CASZ1: variants seen among roughly 807,000 people sequenced by gnomAD.
The protein encoded by CASZ1 is castor zinc finger 1, also known as zinc finger protein castor homolog 1.
CASZ1 carries 28 observed loss-of-function variants against 135.2 expected under a neutral mutation model. The ratio of observed to expected loss-of-function variants is 0.21; its 90% confidence interval spans 0.15 to 0.28. The LOEUF (loss-of-function observed/expected upper bound fraction) is 0.28, where lower values mean the gene tolerates loss of function less well. Among genes scored for constraint, CASZ1 ranks in the 10% least tolerant of loss-of-function variants. The pLI is 1.00. For synonymous variants in CASZ1, 1,068 were observed against 1,073.4 expected, an observed-to-expected ratio of 0.99 and a Z score of 0.10; for missense variants, 2,161 against 2,453.3, an observed-to-expected ratio of 0.88 and a Z score of 2.52.
chr1:10,776,717 G>A lies in CASZ1; in HGVS notation c.-233-15860C>T, dbSNP rs1640667260. The stretch of plus-strand genomic sequence containing the variant: ...AGGGTTGGCTGCATGGCACAGCTGC[G>A]GACTCCAGACGGTGGCAAGAAGCTC... On this transcript the variant is annotated intron_variant, in intron 1 of 20. Coordinates refer to ENST00000377022, the MANE Select transcript of CASZ1 (RefSeq NM_001079843.3). The surrounding 1 kb of genome is among the most constrained non-coding windows in gnomAD (Gnocchi z 4.1). Among the ~76,000 whole-genome samples, 2 of 152,172 alleles carry A rather than the reference G, an allele frequency of 1.3e-5. No homozygotes were observed. The highest frequency in any genetic ancestry group is 2.1e-4 in the South Asian group (1 of 4,832).
rs755604040 is a variant in CASZ1 at position 10,655,754 on chromosome 1, G to A, written c.1560C>T (p.Asn520=). Reference sequence around the variant, plus strand: ...AACGCATGAAGCCGTGCTGCAGGGAGTTGTCGCGCTTCTTGTGCATGTTGT... The same window carrying A: ...AACGCATGAAGCCGTGCTGCAGGGAATTGTCGCGCTTCTTGTGCATGTTGT... ...RHYNMHKKRD[N]SLQHGFMRFS... is the part of the protein sequence containing the mutation. The change falls in exon 9 of 21, where the codon AAC becomes AAT. Residue 520 remains asparagine, a synonymous_variant. Transcript: ENST00000377022. The A allele has an allele frequency of 6.2e-7, 1 of 1,614,220 alleles. No homozygotes were observed. Among genetic ancestry groups the A allele is most frequent in the Non-Finnish European group, 8.5e-7 (1 of 1,180,002 alleles).
intron 1 of CASZ1, among the ~76,000 whole-genome samples, chr1:10,793,909 G>T (rs1481461695): frequency 6.6e-6 from 1 of 152,182 alleles, no homozygotes; most frequent in Non-Finnish European, 1.5e-5. Flanking sequence ...GAGTGGCGCG[G>T]GCGGCCGGAG....
In CASZ1 at chr1:10,757,648, C is replaced by A. The variant is rs993747736; in HGVS notation, c.-77+3053G>T. 1.3e-5 allele frequency among the ~76,000 whole-genome samples: 2 copies of A among 152,126 alleles called. No individual in the cohort carries two copies. Among genetic ancestry groups the A allele is most frequent in the African/African-American group, 4.8e-5 (2 of 41,434 alleles). ...ACTAAAAACACTAAAATTAGCCAGG[C>A]ATGGTGGCGCTTGCCTATAATCCCA... On this transcript the variant is annotated intron_variant, in intron 2 of 20. Transcript: ENST00000377022. This position sits in a 1 kb window ranked among gnomAD's most constrained non-coding sequence, Gnocchi z 4.6.
chr1:10,656,139 C>A (rs1002860513), intron 8 of CASZ1, among the ~76,000 whole-genome samples: 1 of 152,246 alleles, frequency 6.6e-6, no homozygotes, highest in Admixed American at 6.5e-5. Flanking sequence ...GCCCAGTGCA[C>A]CTCTGGACTA....
At position 10,755,965 on chromosome 1, in the gene CASZ1, C is replaced by T. The variant is rs531526629; in HGVS notation, c.-77+4736G>A. Among the ~76,000 whole-genome samples, 4 of 152,032 alleles carry T rather than the reference C, an allele frequency of 2.6e-5. No individual in the cohort carries two copies. Among genetic ancestry groups the T allele is most frequent in the East Asian group, 1.9e-4 (1 of 5,144 alleles). On this transcript the variant is annotated intron_variant, in intron 2 of 20. Coordinates refer to ENST00000377022, the MANE Select transcript of CASZ1 (RefSeq NM_001079843.3). The surrounding 1 kb of genome is among the most constrained non-coding windows in gnomAD (Gnocchi z 4.3). ...CCAGTCCAGTTAGGAGTGAAGGTCA[C>T]GGATCTAGTGCAGACCATAGAGGCG...
intron 1 of CASZ1, among the ~76,000 whole-genome samples, chr1:10,791,393 T>C (rs1640953141): frequency 6.6e-6 from 1 of 152,236 alleles, no homozygotes; most frequent in Non-Finnish European, 1.5e-5. Context: ...ACCAACTCAT[T>C]AATTCTTTCC....
intron 2 of CASZ1, among the ~76,000 whole-genome samples, chr1:10,744,908 T>C (rs1303452259): frequency 2.6e-5 from 4 of 152,288 alleles, no homozygotes; most frequent in South Asian, 2.1e-4. Context: ...ATGTCTGCCA[T>C]GTGCTCCGTC....
At position 10,665,356 on chromosome 1, in the gene CASZ1, G is replaced by A. The variant is rs183516103; in HGVS notation, c.232C>T (p.Arg78Cys). The A allele has an allele frequency of 2.2e-3, 3,471 of 1,610,516 alleles. 80 individuals are homozygous for A. The African/African-American group carries it at 0.041, about 19-fold the overall frequency. Reference sequence around the variant, plus strand: ...GCCCGTCTCTTGTCTTCCTCGCTGCGGGGGGCCCGGGCTGCCCCAGACTCA... The same window carrying A: ...GCCCGTCTCTTGTCTTCCTCGCTGCAGGGGGCCCGGGCTGCCCCAGACTCA... ...GPESGAARAP[R>C]SEEDKRRAVI... Residue 78 changes from arginine (R) to cysteine (C), a missense_variant, in exon 5 of 21, where the codon CGC becomes TGC. Coordinates refer to ENST00000377022, the MANE Select transcript of CASZ1 (RefSeq NM_001079843.3).
At chr1:10,745,398 G>A (rs1026254138) in intron 2 of CASZ1, among the ~76,000 whole-genome samples, 2 of 57,142 alleles carry the variant, frequency 3.5e-5, no homozygotes, top group Non-Finnish European at 6.1e-5. Flanking sequence ...CCAGGGACAC[G>A]AACACAGACA....
Position 10,638,131 on chromosome 1 carries a change from GAAT to G in CASZ1, c.*808_*810del, listed in dbSNP as rs371126309. 5.2e-5 allele frequency: 8 copies of G among 152,508 alleles called. No homozygotes were observed. Among genetic ancestry groups the G allele is most frequent in the South Asian group, 4.1e-4 (2 of 4,828 alleles). 9.4% of individuals were successfully genotyped at this position (152,508 alleles called of 1,614,324 possible). A position where few individuals can be genotyped will look rare whatever the true frequency, so the allele number is the denominator to read the frequency against. On this transcript the variant is annotated 3_prime_UTR_variant, in exon 21 of 21. Coordinates refer to ENST00000377022, the MANE Select transcript of CASZ1 (RefSeq NM_001079843.3). The surrounding 1 kb of genome is among the most constrained non-coding windows in gnomAD (Gnocchi z 5.9). ...GCTTTCTTCCTTTTTGTTCTATGTA[GAAT>G]AATAACCTTTACAGGAAAAATACTG...
chr1:10,779,450 G>A (rs1640723115), intron 1 of CASZ1, among the ~76,000 whole-genome samples: 2 of 152,084 alleles, frequency 1.3e-5, no homozygotes, highest in South Asian at 4.1e-4. Flanking sequence ...CCCTGCGGGG[G>A]CCGTGGGTGC....
chr1:10,786,872 A>G (rs1469189829), intron 1 of CASZ1, among the ~76,000 whole-genome samples: 1 of 152,098 alleles, frequency 6.6e-6, no homozygotes, highest in Non-Finnish European at 1.5e-5. Context: ...CAATGATAAC[A>G]GAACCAACCT....
chr1:10,647,977 C>T lies in CASZ1; in HGVS notation c.3321G>A (p.Pro1107=), dbSNP rs567007026. 16 of 1,607,338 alleles carry T rather than the reference C, an allele frequency of 1.0e-5. No homozygotes were observed. Among genetic ancestry groups the T allele is most frequent in the Middle Eastern group, 1.7e-4 (1 of 6,004 alleles). The change falls in exon 16 of 21, where the codon CCG becomes CCA. Residue 1107 remains proline (P), a synonymous_variant. Transcript: ENST00000377022. The surrounding 1 kb of genome is among the most constrained non-coding windows in gnomAD (Gnocchi z 4.9). The part of the protein sequence containing the change: ...VSSLEGPAPS[P]ASVPSTPTLL... ...GGGTGGGGGTGGAGGGCACGGAGGC[C>T]GGGCTGGGAGCGGGCCCCTCCAGAG...
chr1:10,649,227 G>A, intron 14 of CASZ1, 35 bp from the exon 15 acceptor site: 2 of 1,610,008 alleles, frequency 1.2e-6, no homozygotes, highest in Non-Finnish European at 1.7e-6. Context: ...GGAGAGCCTG[G>A]GGCTCCAGGG....
rs917976673 is a variant in CASZ1, at chr1:10,776,647, G to A, written c.-233-15790C>T. ...ACCAGCTAGGGGCGGGAGCTCCTGG[G>A]AGTCCTGGGGAAACTGGCATCTCTG... On this transcript the variant is annotated intron_variant, in intron 1 of 20. Coordinates refer to ENST00000377022, the MANE Select transcript of CASZ1 (RefSeq NM_001079843.3). The surrounding 1 kb of genome is among the most constrained non-coding windows in gnomAD (Gnocchi z 4.1). 6.6e-6 allele frequency among the ~76,000 whole-genome samples: 1 copy of A among 152,208 alleles called. No individual in the cohort carries two copies. The highest frequency in any genetic ancestry group is 1.5e-5 in the Non-Finnish European group (1 of 68,038).
chr1:10,726,721 G>T lies in CASZ1; in HGVS notation c.-76-21177C>A, dbSNP rs1639604597. Among the ~76,000 whole-genome samples, 1 of 152,232 alleles carries T rather than the reference G, an allele frequency of 6.6e-6. No individual in the cohort carries two copies. Among genetic ancestry groups the T allele is most frequent in the Non-Finnish European group, 1.5e-5 (1 of 68,038 alleles). ...GCTGCCCAGGGCACCCAGGAAAGGA[G>T]ACATGAAGATGAGGCCCAGCCAAGG... On this transcript the variant is annotated intron_variant, in intron 2 of 20. Transcript: ENST00000377022. This position sits in a 1 kb window ranked among gnomAD's most constrained non-coding sequence, Gnocchi z 5.7.
intron 2 of CASZ1, among the ~76,000 whole-genome samples, chr1:10,733,887 G>A (rs1192455944): frequency 6.6e-6 from 1 of 152,188 alleles, no homozygotes; most frequent in African/African-American, 2.4e-5. Flanking sequence ...TGCTGAAGGA[G>A]AGTCCATGAA....
At chr1:10,652,071 G>C (rs1271901932) in intron 11 of CASZ1, 3 of 152,360 alleles carry the variant, frequency 2.0e-5, no homozygotes, top group East Asian at 1.9e-4. Context: ...GGGCCTGTGA[G>C]AGTTTTCAGA....
intron 5 of CASZ1, among the ~76,000 whole-genome samples, chr1:10,664,552 G>C (rs554990151): frequency 5.9e-5 from 9 of 152,238 alleles, no homozygotes; most frequent in African/African-American, 2.2e-4. Flanking sequence ...CAGGGACAGC[G>C]GTGTAGGGAA....
Sources: gnomAD v4.1 joint callset for allele counts (sites outside exome capture counted in the v4.1 genomes callset) on GRCh38, gnomAD v4.1.1 for gene constraint, Gnocchi (gnomAD v3.1) non-coding constraint, MANE v1.5 for transcripts, NCBI Gene and HGNC (gene_info 2026-07-23, HGNC 2026-07-21) for gene names.